RRAS2: variants seen among roughly 807,000 people sequenced by gnomAD.
RRAS2 encodes the protein ras-related protein R-Ras2.
RRAS2 carries 7 observed loss-of-function variants against 27.6 expected under a neutral mutation model. That is an observed-to-expected ratio of 0.25 (90% CI 0.14 to 0.48). The LOEUF (loss-of-function observed/expected upper bound fraction) is 0.48, where lower values mean the gene tolerates loss of function less well. Among genes scored for constraint, RRAS2 ranks in the 20% least tolerant of loss-of-function variants. The pLI is 0.99. For synonymous variants in RRAS2, 86 were observed against 90.9 expected, an observed-to-expected ratio of 0.95 and a Z score of 0.31; for missense variants, 178 against 256.2, an observed-to-expected ratio of 0.69 and a Z score of 2.08.
chr11:14,349,057 C>T (rs1243142398), intron 1 of RRAS2, among the ~76,000 whole-genome samples: 1 of 152,156 alleles, frequency 6.6e-6, no homozygotes, highest in Admixed American at 6.5e-5. Context: ...GCTCCGCCTC[C>T]CAGGTTCACG....
intron 1 of RRAS2, among the ~76,000 whole-genome samples, chr11:14,344,697 C>T (rs185269451): frequency 2.6e-5 from 4 of 152,166 alleles, no homozygotes; most frequent in African/African-American, 9.7e-5. Context: ...ACTTTTAAGA[C>T]CTTACTCTCA....
chr11:14,279,117 A>G lies in RRAS2; in HGVS notation c.*220T>C. ...TGTATATAGACATATATTTTAAAGG[A>G]ATCAGATAATCTTTGAAGCAGCCTT... is the stretch of plus-strand genomic sequence containing the variant. On this transcript the variant is annotated 3_prime_UTR_variant, in exon 6 of 6. Coordinates refer to ENST00000256196, the MANE Select transcript of RRAS2 (RefSeq NM_012250.6). 2.0e-6 allele frequency: 1 copy of G among 497,702 alleles called. No individual in the cohort carries two copies. Among genetic ancestry groups the G allele is most frequent in the Non-Finnish European group, 3.6e-6 (1 of 277,976 alleles). The allele number at this position is 497,702 out of a possible 1,614,324, so 30.8% of individuals were successfully genotyped here.
chr11:14,344,827 C>G (rs1377237418), intron 1 of RRAS2, among the ~76,000 whole-genome samples: 2 of 152,116 alleles, frequency 1.3e-5, no homozygotes, highest in Non-Finnish European at 2.9e-5. Flanking sequence ...ACTCAAGATT[C>G]AACGTGTATA....
intron 4 of RRAS2, among the ~76,000 whole-genome samples, chr11:14,282,005 G>T (rs1359990399): frequency 2.0e-5 from 3 of 152,230 alleles, no homozygotes; most frequent in Admixed American, 2.0e-4. Flanking sequence ...AAGGGAAAGT[G>T]TAAGGTGCTA....
intron 4 of RRAS2, among the ~76,000 whole-genome samples, chr11:14,290,131 A>C (rs1849770329): frequency 6.6e-6 from 1 of 152,142 alleles, no homozygotes; most frequent in Non-Finnish European, 1.5e-5. Context: ...ATAGACGGAC[A>C]CCTTTAATTG....
In RRAS2 at chr11:14,350,031, T is replaced by C. The variant is rs117639509; in HGVS notation, c.108+8732A>G. On this transcript the variant is annotated intron_variant, in intron 1 of 5. Coordinates refer to ENST00000256196, the MANE Select transcript of RRAS2 (RefSeq NM_012250.6). Reference sequence around the variant, plus strand: ...CTCTATCCTTTCCACCATATACCTTTTTACCCATCCTCTAGGAAATCAATC... The same window carrying C: ...CTCTATCCTTTCCACCATATACCTTCTTACCCATCCTCTAGGAAATCAATC... Among the ~76,000 whole-genome samples the C allele has an allele frequency of 4.6e-3, 704 of 152,338 alleles. 5 individuals are homozygous for C. Among genetic ancestry groups the C allele is most frequent in the Non-Finnish European group, 7.5e-3 (512 of 68,040 alleles).
At chr11:14,338,889 G>A (rs2970332) in intron 1 of RRAS2, among the ~76,000 whole-genome samples, 104,066 of 151,796 alleles carry the variant, frequency 0.69, 36,578 homozygotes, top group Non-Finnish European at 0.77. Flanking sequence ...ATGGGGAAAC[G>A]GTTTTTCACT....
chr11:14,324,804 A>G (rs1554950781), intron 1 of RRAS2, among the ~76,000 whole-genome samples: 1 of 152,216 alleles, frequency 6.6e-6, no homozygotes, highest in East Asian at 1.9e-4. Context: ...ATAGGCAAAA[A>G]AGACAAATGG....
chr11:14,319,040 C>T (rs1591468545), intron 1 of RRAS2, among the ~76,000 whole-genome samples: 1 of 152,292 alleles, frequency 6.6e-6, no homozygotes, highest in East Asian at 1.9e-4. Context: ...GTAACTTGCC[C>T]AGTCACGAGG....
intron 1 of RRAS2, among the ~76,000 whole-genome samples, chr11:14,325,146 T>A (rs1848323328): frequency 6.6e-6 from 1 of 152,134 alleles, no homozygotes; most frequent in Non-Finnish European, 1.5e-5. Context: ...TATCATCGTA[T>A]CTGAGCCCTC....
chr11:14,296,043 C>T (rs782383914), intron 1 of RRAS2, among the ~76,000 whole-genome samples, 188 bp from the exon 2 acceptor site: 19 of 151,572 alleles, frequency 1.3e-4, no homozygotes, highest in Non-Finnish European at 2.5e-4. Flanking sequence ...AATTAGCCGA[C>T]GTGGTGTGTA....
At chr11:14,310,728 A>C (rs1554948756) in intron 1 of RRAS2, among the ~76,000 whole-genome samples, 1 of 152,224 alleles carries the variant, frequency 6.6e-6, no homozygotes, top group Non-Finnish European at 1.5e-5. Context: ...TAATAATTAC[A>C]TCAGGACAAC....
upstream of RRAS2, among the ~76,000 whole-genome samples, chr11:14,361,115 C>T (rs1181023500): frequency 6.6e-6 from 1 of 152,112 alleles, no homozygotes; most frequent in East Asian, 1.9e-4. Flanking sequence ...CATGCCAAAA[C>T]CCGTCTCTAC....
chr11:14,284,602 C>CA, intron 4 of RRAS2, among the ~76,000 whole-genome samples: 1 of 152,094 alleles, frequency 6.6e-6, no homozygotes, highest in East Asian at 1.9e-4. Flanking sequence ...ATTGAAGTCT[C>CA]TGATTTTAAG....
At chr11:14,324,204 G>A (rs782322443) in intron 1 of RRAS2, among the ~76,000 whole-genome samples, 8 of 151,830 alleles carry the variant, frequency 5.3e-5, no homozygotes, top group Admixed American at 2.0e-4. Context: ...TTAGAATTCA[G>A]CAAGGTATTT....
chr11:14,283,162 C>T (rs1294472873), intron 4 of RRAS2, among the ~76,000 whole-genome samples: 2 of 152,116 alleles, frequency 1.3e-5, no homozygotes, highest in Non-Finnish European at 2.9e-5. Context: ...TTTCCTGCAT[C>T]TTACTGAGAT....
chr11:14,288,653 T>C (rs1419495245), intron 4 of RRAS2, among the ~76,000 whole-genome samples: 1 of 152,204 alleles, frequency 6.6e-6, no homozygotes, highest in Non-Finnish European at 1.5e-5. Flanking sequence ...ATGTTTTGTT[T>C]TAAATAACCA....
chr11:14,308,720 C>T (rs534657736), intron 1 of RRAS2, among the ~76,000 whole-genome samples: 1 of 152,310 alleles, frequency 6.6e-6, no homozygotes, highest in Admixed American at 6.5e-5. Flanking sequence ...GAGACACTTT[C>T]AAGAGTTTTT....
At chr11:14,318,466 G>A (rs1043951163) in intron 1 of RRAS2, among the ~76,000 whole-genome samples, 13 of 151,990 alleles carry the variant, frequency 8.6e-5, no homozygotes, top group Non-Finnish European at 2.9e-5. Flanking sequence ...CCATGCCACT[G>A]CACTCCAGCC....
Sources: allele counts gnomAD v4.1 joint callset (sites outside exome capture counted in the v4.1 genomes callset), GRCh38; gene constraint gnomAD v4.1.1; transcripts MANE v1.5; gene names NCBI Gene and HGNC (gene_info 2026-07-23, HGNC 2026-07-21).